Variants in PEBP4 observed in about 807,000 individuals in gnomAD.
PEBP4 encodes the protein phosphatidylethanolamine-binding protein 4.
A neutral mutation model predicts 23.9 loss-of-function variants in PEBP4; 22 were observed. The observed-to-expected ratio is 0.92, with a 90% CI of 0.66 to 1.31. PEBP4 has a LOEUF of 1.31. Ranked by LOEUF, PEBP4 falls within the 40% of genes most tolerant of loss-of-function variation. The pLI, the probability that PEBP4 is intolerant of heterozygous loss-of-function variation, is 0.00. For missense variants in PEBP4, 324 were observed against 281.7 expected, an observed-to-expected ratio of 1.15 and a Z score of -1.07; for synonymous variants, 112 against 99.3, an observed-to-expected ratio of 1.13 and a Z score of -0.76.
intron 4 of PEBP4, among the ~76,000 whole-genome samples, chr8:22,790,350 C>T (rs1585273730): frequency 6.6e-6 from 1 of 152,170 alleles, no homozygotes; most frequent in Non-Finnish European, 1.5e-5. Context: ...GGAAGCACCT[C>T]CTGAGGGGGT....
intron 4 of PEBP4, among the ~76,000 whole-genome samples, chr8:22,756,433 C>T (rs1460164739): frequency 1.3e-5 from 2 of 152,226 alleles, no homozygotes; most frequent in Non-Finnish European, 2.9e-5. Flanking sequence ...CTAATTCCGA[C>T]AGTCTCGGCC....
intron 4 of PEBP4, among the ~76,000 whole-genome samples, chr8:22,795,143 G>GTGTGTGTATATATATATATATA (rs1268855798): frequency 4.0e-5 from 2 of 49,926 alleles, no homozygotes; most frequent in African/African-American, 1.8e-4. Flanking sequence ...ATGTGTGTGT[G>GTGTGTGTATATATATATATATA]TATATATATA....
intron 4 of PEBP4, among the ~76,000 whole-genome samples, chr8:22,774,037 T>G (rs1470318003): frequency 6.6e-6 from 1 of 152,106 alleles, no homozygotes; most frequent in South Asian, 2.1e-4. Flanking sequence ...TCTCTTCAAC[T>G]ATAAAACGGG....
intron 3 of PEBP4, among the ~76,000 whole-genome samples, chr8:22,860,657 T>C (rs529989754): frequency 6.6e-6 from 1 of 152,356 alleles, no homozygotes; most frequent in South Asian, 2.1e-4. Context: ...AATCTGACTC[T>C]ATCTTCAAAG....
At chr8:22,751,955 G>C (rs117125128) in intron 4 of PEBP4, among the ~76,000 whole-genome samples, 1 of 152,188 alleles carries the variant, frequency 6.6e-6, no homozygotes, top group Non-Finnish European at 1.5e-5. Flanking sequence ...GGAATGCAGT[G>C]GTTTGATCAT....
chr8:22,762,136 C>A (rs1009913609), intron 4 of PEBP4, among the ~76,000 whole-genome samples: 1 of 150,900 alleles, frequency 6.6e-6, no homozygotes, highest in African/African-American at 2.4e-5. Context: ...ATGGGTGAAA[C>A]AATATACCCT....
At chr8:22,785,529 T>C (rs1051819380) in intron 4 of PEBP4, among the ~76,000 whole-genome samples, 1 of 152,164 alleles carries the variant, frequency 6.6e-6, no homozygotes, top group Non-Finnish European at 1.5e-5. Flanking sequence ...AGATCCGCCA[T>C]GTGCTCCCTG....
chr8:22,928,128 G>A (rs1315569722), upstream of PEBP4, among the ~76,000 whole-genome samples: 1 of 152,260 alleles, frequency 6.6e-6, no homozygotes, highest in African/African-American at 2.4e-5. Flanking sequence ...CTGCTCCTTG[G>A]CTGTAAGGCA....
chr8:22,779,086 G>A (rs1174248894), intron 4 of PEBP4, among the ~76,000 whole-genome samples: 1 of 145,938 alleles, frequency 6.9e-6, no homozygotes, highest in Admixed American at 6.8e-5. Context: ...GGTGGGGGAG[G>A]AGGGGGATGG....
chr8:22,907,319 A>C (rs1186565877), intron 3 of PEBP4, among the ~76,000 whole-genome samples: 1 of 152,038 alleles, frequency 6.6e-6, no homozygotes. Context: ...AATTAGCAGC[A>C]TGGCCAACAT....
chr8:22,937,528 A>C (rs936671590), intron 1 of PEBP4, among the ~76,000 whole-genome samples: 1 of 148,080 alleles, frequency 6.8e-6, no homozygotes, highest in African/African-American at 2.5e-5. Context: ...CCTACAGATT[A>C]ATTGCAACTC....
At chr8:22,867,429 G>A (rs953762109) in intron 3 of PEBP4, among the ~76,000 whole-genome samples, 4 of 152,112 alleles carry the variant, frequency 2.6e-5, no homozygotes, top group African/African-American at 7.2e-5. Flanking sequence ...CCCTTGTGCC[G>A]TTCTGCCCAT....
chr8:22,766,984 C>T (rs1805624788), intron 4 of PEBP4, among the ~76,000 whole-genome samples: 1 of 152,230 alleles, frequency 6.6e-6, no homozygotes, highest in African/African-American at 2.4e-5. Flanking sequence ...ACAATACCAT[C>T]CTCCTTACTT....
chr8:22,843,421 T>A (rs565922224), intron 3 of PEBP4, among the ~76,000 whole-genome samples: 1 of 152,318 alleles, frequency 6.6e-6, no homozygotes, highest in African/African-American at 2.4e-5. Context: ...AAGTGGGACA[T>A]GTATAGAATG....
chr8:22,718,755 T>C (rs781676355), intron 6 of PEBP4, among the ~76,000 whole-genome samples: 1 of 152,070 alleles, frequency 6.6e-6, no homozygotes, highest in African/African-American at 2.4e-5. Flanking sequence ...CTGAGTGTGT[T>C]TGTGTCTGTC....
chr8:22,862,304 C>A (rs147298338), intron 3 of PEBP4, among the ~76,000 whole-genome samples: 3 of 152,110 alleles, frequency 2.0e-5, no homozygotes, highest in Non-Finnish European at 4.4e-5. Flanking sequence ...TTCTATGATT[C>A]CATAGCCTAG....
At chr8:22,795,111 T>TTATA (rs10625045) in intron 4 of PEBP4, among the ~76,000 whole-genome samples, 370 of 130,120 alleles carry the variant, frequency 2.8e-3, no homozygotes, top group Non-Finnish European at 4.4e-3. Flanking sequence ...TTAAATTATT[T>TTATA]TATATATATG....
At chr8:22,866,175 A>C (rs1299956900) in intron 3 of PEBP4, among the ~76,000 whole-genome samples, 1 of 152,228 alleles carries the variant, frequency 6.6e-6, no homozygotes, top group African/African-American at 2.4e-5. Flanking sequence ...CCATTTGACA[A>C]ATGAAGAAAT....
At chr8:22,729,585 T>C (rs1804690508) in intron 4 of PEBP4, among the ~76,000 whole-genome samples, 1 of 152,230 alleles carries the variant, frequency 6.6e-6, no homozygotes, top group Non-Finnish European at 1.5e-5. Context: ...GGAGCTTTTC[T>C]TATCAACCGG....
Sources: allele counts gnomAD v4.1 joint callset (sites outside exome capture counted in the v4.1 genomes callset), GRCh38; gene constraint gnomAD v4.1.1; transcripts MANE v1.5; gene names NCBI Gene and HGNC (gene_info 2026-07-23, HGNC 2026-07-21).